The following FBXL20 variants were observed in gnomAD, a reference collection of about 807,000 sequenced individuals.
The protein encoded by FBXL20 is F-box/LRR-repeat protein 20.
FBXL20 carries 11 observed loss-of-function variants against 64.0 expected under a neutral mutation model. The observed-to-expected ratio is 0.17, with a 90% CI of 0.11 to 0.28. FBXL20 has a LOEUF of 0.28. Ranked by LOEUF, FBXL20 falls within the 10% of genes least tolerant of loss-of-function variation. The pLI, the probability that FBXL20 is intolerant of heterozygous loss-of-function variation, is 1.00. For synonymous variants in FBXL20, 184 were observed against 189.0 expected (o/e 0.97, Z 0.22); for missense variants, 303 against 526.2 (o/e 0.58, Z 4.15).
intron 1 of FBXL20, among the ~76,000 whole-genome samples, chr17:39,349,434 G>T (rs964198575): frequency 3.4e-5 from 5 of 147,408 alleles, no homozygotes; most frequent in Non-Finnish European, 7.4e-5. Flanking sequence ...AAATCTTTCA[G>T]ATTTTGGGCT....
intron 2 of FBXL20, among the ~76,000 whole-genome samples, chr17:39,322,308 T>C (rs1299300381): frequency 6.6e-6 from 1 of 152,078 alleles, no homozygotes; most frequent in Non-Finnish European, 1.5e-5. Flanking sequence ...TATAATTATA[T>C]GGAAGTGAGC....
chr17:39,283,156 G>T (rs1431177513), intron 7 of FBXL20, among the ~76,000 whole-genome samples: 1 of 152,082 alleles, frequency 6.6e-6, no homozygotes, highest in African/African-American at 2.4e-5. Context: ...ACAAAAAATG[G>T]AAATTAAGTG....
At chr17:39,325,429 TC>T (rs2047400301) in intron 2 of FBXL20, among the ~76,000 whole-genome samples, 1 of 152,172 alleles carries the variant, frequency 6.6e-6, no homozygotes, top group African/African-American at 2.4e-5. Context: ...GAACTAACCT[TC>T]CAGGTACAAT....
chr17:39,402,305 G>T, upstream of FBXL20: 1 of 920,428 alleles, frequency 1.1e-6, no homozygotes, highest in Non-Finnish European at 1.4e-6. Flanking sequence ...CGCCTCCCCC[G>T]CCTCCCCCGC....
chr17:39,402,035 G>A, upstream of FBXL20: 1 of 741,922 alleles, frequency 1.3e-6, no homozygotes, highest in Non-Finnish European at 1.8e-6. Context: ...CTCCCTCCGC[G>A]GGCAAACAGG....
intron 2 of FBXL20, among the ~76,000 whole-genome samples, chr17:39,332,239 G>A (rs1175431907): frequency 6.6e-6 from 1 of 152,174 alleles, no homozygotes; most frequent in African/African-American, 2.4e-5. Context: ...ATATGAGATT[G>A]CACATGTGCA....
rs374528629 is a variant in FBXL20 at position 39,261,436 on chromosome 17, C to T, written c.*24G>A. 42 of 1,578,498 alleles carry T rather than the reference C, an allele frequency of 2.7e-5. No individual in the cohort carries two copies. The highest frequency in any genetic ancestry group is 4.0e-5 in the African/African-American group (3 of 74,120). On this transcript the variant is annotated 3_prime_UTR_variant, in exon 15 of 15. Coordinates refer to ENST00000264658, the MANE Select transcript of FBXL20 (RefSeq NM_032875.3). ...TAGAAGTGTCATTAAATACTCAGTT[C>T]GCCAAGGTTGACCACCTCCATTGTC...
intron 1 of FBXL20, among the ~76,000 whole-genome samples, chr17:39,399,699 A>C (rs1464605115): frequency 1.3e-5 from 2 of 152,196 alleles, no homozygotes; most frequent in Non-Finnish European, 2.9e-5. Flanking sequence ...GTTAAAAAGA[A>C]ACCTCTTAAT....
At chr17:39,306,812 T>C (rs1285340878) in intron 2 of FBXL20, among the ~76,000 whole-genome samples, 5 of 152,202 alleles carry the variant, frequency 3.3e-5, no homozygotes, top group Non-Finnish European at 7.3e-5. Flanking sequence ...TTTCTCCAAC[T>C]GTAGAGGCCC....
chr17:39,271,808 G>A (rs985381908), intron 10 of FBXL20, among the ~76,000 whole-genome samples: 3 of 152,056 alleles, frequency 2.0e-5, no homozygotes, highest in Non-Finnish European at 2.9e-5. Flanking sequence ...ACAGGATTGG[G>A]GAATCAAAAG....
At chr17:39,303,403 G>A (rs1171034859) in intron 3 of FBXL20, among the ~76,000 whole-genome samples, 182 bp downstream of exon 3, 1 of 152,172 alleles carries the variant, frequency 6.6e-6, no homozygotes, top group African/African-American at 2.4e-5. Context: ...GTCAGAGACA[G>A]TATATATAGT....
chr17:39,368,694 T>C (rs2047885773), intron 1 of FBXL20, among the ~76,000 whole-genome samples: 2 of 152,166 alleles, frequency 1.3e-5, no homozygotes, highest in Admixed American at 6.6e-5. Context: ...CTCGCTCTGT[T>C]GCCCAGGCTA....
intron 1 of FBXL20, among the ~76,000 whole-genome samples, chr17:39,391,596 G>T (rs1211774428): frequency 3.9e-5 from 6 of 152,000 alleles, no homozygotes; most frequent in African/African-American, 1.4e-4. Context: ...TTGTTTCATA[G>T]TTCGGAACTG....
intron 2 of FBXL20, among the ~76,000 whole-genome samples, chr17:39,323,898 T>G (rs1023341947): frequency 1.7e-4 from 26 of 151,554 alleles, no homozygotes; most frequent in Non-Finnish European, 2.9e-4. Context: ...CCTGAGTAGC[T>G]GGGATTACAG....
Position 39,264,347 on chromosome 17 carries a change from C to T in FBXL20, c.1031G>A (p.Arg344His), listed in dbSNP as rs768933746. 1.7e-5 allele frequency: 28 copies of T among 1,613,818 alleles called. No individual in the cohort carries two copies. The highest frequency in any genetic ancestry group is 1.7e-4 in the Middle Eastern group (1 of 5,754). ...GGCGCAGGCCCCATTCCCCAGGTGA[C>T]GAATTCCATCATCTGTGATCAGCTC... Reference protein sequence around the residue: ...HCELITDDGIRHLGNGACAHD... With the variant: ...HCELITDDGIHHLGNGACAHD... The change falls in exon 14 of 15, where the codon CGT (arginine) becomes CAT (histidine). Residue 344 changes from arginine (R) to histidine (H), a missense_variant. Physicochemically the swap from Arg to His is conservative, Grantham distance 29 (BLOSUM62 0). Coordinates refer to ENST00000264658, the MANE Select transcript of FBXL20 (RefSeq NM_032875.3).
At chr17:39,312,497 A>T (rs2047243954) in intron 2 of FBXL20, among the ~76,000 whole-genome samples, 1 of 145,744 alleles carries the variant, frequency 6.9e-6, no homozygotes, top group Non-Finnish European at 1.5e-5. Flanking sequence ...TCAGCACTTA[A>T]ATCCCTTCTA....
chr17:39,285,563 T>C lies in FBXL20; in HGVS notation c.409A>G (p.Ser137Gly), dbSNP rs766771278. 37 of 1,598,218 alleles carry C rather than the reference T, an allele frequency of 2.3e-5. No individual in the cohort carries two copies. The highest frequency in any genetic ancestry group is 3.1e-5 in the Non-Finnish European group (36 of 1,172,470). The change falls in exon 7 of 15, where the codon AGC becomes GGC. Residue 137 changes from serine (S) to glycine (G), a missense_variant. This residue lies in a region of FBXL20 where 246 missense variants were observed against 422.6 expected (regional missense o/e 0.58). Coordinates refer to ENST00000264658, the MANE Select transcript of FBXL20 (RefSeq NM_032875.3). ...CTKTTDATCT[S>G]LSKFCSKLRH... Reference sequence around the variant, plus strand: ...AGTTTGGAACAGAACTTGCTAAGGCTAGTACATGTACTGAAAAATGGAAAA... The same window carrying C: ...AGTTTGGAACAGAACTTGCTAAGGCCAGTACATGTACTGAAAAATGGAAAA...
At chr17:39,398,994 A>C (rs973915204) in intron 1 of FBXL20, among the ~76,000 whole-genome samples, 6 of 152,090 alleles carry the variant, frequency 3.9e-5, no homozygotes, top group Non-Finnish European at 8.8e-5. Flanking sequence ...AATTAAAAAA[A>C]TTTTTTTTCT....
chr17:39,324,008 A>ACCCCCCCC (rs138382317), intron 2 of FBXL20, among the ~76,000 whole-genome samples: 55 of 128,998 alleles, frequency 4.3e-4, no homozygotes, highest in African/African-American at 9.6e-4. Flanking sequence ...TCGTGATCCA[A>ACCCCCCCC]CCCCCTCCCC....
Sources: allele counts gnomAD v4.1 joint callset (sites outside exome capture counted in the v4.1 genomes callset), GRCh38; gene constraint gnomAD v4.1.1; regional missense constraint gnomAD v4.1.1; transcripts MANE v1.5; gene names NCBI Gene and HGNC (gene_info 2026-07-23, HGNC 2026-07-21).